The following PBX1 variants were observed in gnomAD, a reference collection of about 807,000 sequenced individuals.
The protein encoded by PBX1 is PBX homeobox 1.
A neutral mutation model predicts 53.4 loss-of-function variants in PBX1; 6 were observed. The ratio of observed to expected loss-of-function variants is 0.11; its 90% CI spans 0.06 to 0.22. The LOEUF (loss-of-function observed/expected upper bound fraction) is 0.22. Among genes scored for constraint, PBX1 ranks in the 10% least tolerant of loss-of-function variants. The pLI, the probability that PBX1 is intolerant of heterozygous loss-of-function variation, is 1.00. For missense variants in PBX1, 251 were observed against 551.4 expected, an observed-to-expected ratio of 0.46 and a Z score of 5.46; for synonymous variants, 204 against 212.3, an observed-to-expected ratio of 0.96 and a Z score of 0.34.
chr1:164,806,577 G>A (rs1669363056), intron 4 of PBX1, among the ~76,000 whole-genome samples: 1 of 152,202 alleles, frequency 6.6e-6, no homozygotes, highest in African/African-American at 2.4e-5. Flanking sequence ...ATTGTGAGGA[G>A]CCAATTTGTA....
At chr1:164,748,791 C>T (rs115425181) in intron 2 of PBX1, among the ~76,000 whole-genome samples, 1 of 152,176 alleles carries the variant, frequency 6.6e-6, no homozygotes, top group African/African-American at 2.4e-5. Context: ...TTGCATCAGA[C>T]CTCAAATGAA....
intron 2 of PBX1, among the ~76,000 whole-genome samples, chr1:164,705,030 A>C (rs1276110929): frequency 6.6e-6 from 1 of 152,206 alleles, no homozygotes; most frequent in Non-Finnish European, 1.5e-5. Context: ...CATTTGTGAT[A>C]ATCTATAAAA....
At chr1:164,780,716 T>C (rs1160053488) in intron 2 of PBX1, among the ~76,000 whole-genome samples, 1 of 152,210 alleles carries the variant, frequency 6.6e-6, no homozygotes, top group African/African-American at 2.4e-5. Flanking sequence ...AGTAGCTTTC[T>C]TGGTCCCCAT....
At position 164,597,972 on chromosome 1, in the gene PBX1, G is replaced by A. The variant is rs367869572; in HGVS notation, c.265+34661G>A. The stretch of plus-strand genomic sequence containing the variant: ...CACAGACTGGGGAATTCACAAAGAA[G>A]TGTATTTGGCTTGTGGTTCTGGAGA... On this transcript the variant is annotated intron_variant, in intron 2 of 8. Transcript: ENST00000420696. Among the ~76,000 whole-genome samples the A allele has an allele frequency of 6.6e-5, 10 of 152,272 alleles. No individual in the cohort carries two copies. In the East Asian group the frequency reaches 9.7e-4, roughly 15 times the overall value.
In PBX1 at chr1:164,600,936, C is replaced by T. The variant is rs141665261; in HGVS notation, c.265+37625C>T. Among the ~76,000 whole-genome samples, 4 of 152,062 alleles carry T rather than the reference C, an allele frequency of 2.6e-5. No homozygotes were observed. In the South Asian group the frequency reaches 8.3e-4, roughly 32 times the overall value. On this transcript the variant is annotated intron_variant, in intron 2 of 8. Transcript: ENST00000420696. Reference sequence around the variant, plus strand: ...TATAAAAATTGGAGATTCTTCTGCTCTCAGAATAGCAGACACAGGGCTGGG... The same window carrying T: ...TATAAAAATTGGAGATTCTTCTGCTTTCAGAATAGCAGACACAGGGCTGGG...
chr1:164,722,173 C>T (rs572021597), intron 2 of PBX1, among the ~76,000 whole-genome samples: 1 of 152,304 alleles, frequency 6.6e-6, no homozygotes, highest in South Asian at 2.1e-4. Flanking sequence ...TTTTCTGTTA[C>T]AGAATCTTCT....
chr1:164,702,283 G>A (rs939568780), intron 2 of PBX1, among the ~76,000 whole-genome samples: 16 of 152,256 alleles, frequency 1.1e-4, no homozygotes, highest in African/African-American at 3.6e-4. Flanking sequence ...GAACATTCAT[G>A]TAGGGTTTAG....
At chr1:164,712,210 G>T (rs535895456) in intron 2 of PBX1, among the ~76,000 whole-genome samples, 115 of 149,140 alleles carry the variant, frequency 7.7e-4, no homozygotes, top group African/African-American at 2.7e-3. Flanking sequence ...ACTGCCAGTC[G>T]GGCAGCTCTC....
At chr1:164,560,489 G>A (rs1652959593) in intron 1 of PBX1, 1 of 287,748 alleles carries the variant, frequency 3.5e-6, no homozygotes, top group Non-Finnish European at 6.3e-6. Flanking sequence ...ACCTAATTCA[G>A]CGAGTTTGAT....
chr1:164,870,590 C>T (rs922283050), intron 2 of PBX1, among the ~76,000 whole-genome samples: 5 of 151,898 alleles, frequency 3.3e-5, no homozygotes, highest in South Asian at 4.2e-4. Context: ...GTGATCCACC[C>T]GCCTTGGCCT....
intron 2 of PBX1, among the ~76,000 whole-genome samples, chr1:164,746,020 A>AGAGGCATACGATTAT (rs1376417456): frequency 2.6e-5 from 4 of 152,224 alleles, no homozygotes; most frequent in African/African-American, 9.7e-5. Context: ...CATCACCTAG[A>AGAGGCATACGATTAT]GAGGCATACG....
intron 2 of PBX1, among the ~76,000 whole-genome samples, chr1:164,718,620 ACT>A (rs1664244745): frequency 6.6e-6 from 1 of 151,952 alleles, no homozygotes; most frequent in Non-Finnish European, 1.5e-5. Context: ...GGGCAGCCAA[ACT>A]CTGGATTGCC....
chr1:164,800,189 C>A (rs115908381), intron 4 of PBX1, among the ~76,000 whole-genome samples: 1 of 152,120 alleles, frequency 6.6e-6, no homozygotes, highest in Non-Finnish European at 1.5e-5. Context: ...TTTACAGTTG[C>A]GTCTTATAAC....
intron 2 of PBX1, chr1:164,625,861 C>G (rs1354946390): frequency 6.0e-6 from 5 of 830,486 alleles, no homozygotes; most frequent in Admixed American, 1.2e-4. Context: ...CCCATTCCCC[C>G]ACCCTCCTTC....
Position 164,781,981 on chromosome 1 carries a change from T to A in PBX1, c.266-10513T>A, listed in dbSNP as rs189529048. 1.4e-3 allele frequency among the ~76,000 whole-genome samples: 214 copies of A among 152,336 alleles called. No homozygotes were observed. In the Middle Eastern group the frequency reaches 0.017, roughly 12 times the overall value. ...TTTTTATCTTATTTTTAGAAATAAT[T>A]TGTATTAGCTTAGATTGGTTAAGCT... On this transcript the variant is annotated intron_variant, in intron 2 of 8. Coordinates refer to ENST00000420696, the MANE Select transcript of PBX1 (RefSeq NM_002585.4).
chr1:164,643,537 C>T (rs1046439986), intron 2 of PBX1, among the ~76,000 whole-genome samples: 7 of 152,166 alleles, frequency 4.6e-5, no homozygotes, highest in African/African-American at 1.7e-4. Context: ...TGACCTCCCA[C>T]CATGTGCCAA....
chr1:164,690,865 C>A (rs985795728), intron 2 of PBX1, among the ~76,000 whole-genome samples: 2 of 151,980 alleles, frequency 1.3e-5, no homozygotes, highest in Non-Finnish European at 2.9e-5. Context: ...ACGGATGATG[C>A]GGTGGAGATT....
At position 164,850,088 on chromosome 1, in the gene PBX1, TA is replaced by T. The variant is rs1199375870; in HGVS notation, c.*3417del. 4.4e-6 allele frequency: 1 copy of T among 226,664 alleles called. No homozygotes were observed. Among genetic ancestry groups the T allele is most frequent in the African/African-American group, 2.2e-5 (1 of 45,006 alleles). 14.0% of individuals were successfully genotyped at this position (226,664 alleles called of 1,614,324 possible). A position where few individuals can be genotyped will look rare whatever the true frequency, so the allele number is the denominator to read the frequency against. On this transcript the variant is annotated 3_prime_UTR_variant, in exon 9 of 9. Coordinates refer to ENST00000420696, the MANE Select transcript of PBX1 (RefSeq NM_002585.4). ...GGTCTGAATTTAATAGTGTTTATAA[TA>T]AAAATTTTAAAAATGACCCTCATAG...
At chr1:164,840,468 G>A in intron 8 of PBX1, among the ~76,000 whole-genome samples, 1 of 152,156 alleles carries the variant, frequency 6.6e-6, no homozygotes, top group Non-Finnish European at 1.5e-5. Context: ...GGGGCTCAAG[G>A]ACACAACAGG....
Sources: gnomAD v4.1 joint callset for allele counts (sites outside exome capture counted in the v4.1 genomes callset) on GRCh38, gnomAD v4.1.1 for gene constraint, MANE v1.5 for transcripts, NCBI Gene and HGNC (gene_info 2026-07-23, HGNC 2026-07-21) for gene names.